The following ARL13B variants were observed in gnomAD, a reference collection of about 807,000 sequenced individuals.
ARL13B encodes ARF like GTPase 13B.
A neutral mutation model predicts 56.1 loss-of-function variants in ARL13B; 36 were observed. The observed-to-expected ratio is 0.64, with a 90% CI of 0.49 to 0.85. The LOEUF (loss-of-function observed/expected upper bound fraction) is 0.85, where lower values mean the gene tolerates loss of function less well. Among genes scored for constraint, ARL13B ranks in the 40% least tolerant of loss-of-function variants. ARL13B has a pLI of 0.00. For synonymous variants in ARL13B, 178 were observed against 171.1 expected (o/e 1.04, Z -0.32); for missense variants, 519 against 507.1 (o/e 1.02, Z -0.23).
chr3:93,981,673 G>C (rs1212629806), intron 1 of ARL13B, among the ~76,000 whole-genome samples: 1 of 151,816 alleles, frequency 6.6e-6, no homozygotes, highest in Non-Finnish European at 1.5e-5. Context: ...TTGGAGCCCT[G>C]GAGTTCGAGA....
At position 93,980,440 on chromosome 3, in the gene ARL13B, C is replaced by A; in HGVS notation, c.17C>A (p.Ala6Asp). ...CGACCCGGGATGTTCAGTCTGATGG[C>A]CAGTTGCTGCGGCTGGTTCAAGCGG... MFSLM[A>D]SCCGWFKRWR... is the part of the protein sequence containing the mutation. Residue 6 changes from alanine (A) to aspartate (D), a missense_variant, in exon 1 of 10, where the codon GCC (alanine) becomes GAC (aspartate). Transcript: ENST00000394222. 1.2e-6 allele frequency: 2 copies of A among 1,612,688 alleles called. No individual in the cohort carries two copies. Among genetic ancestry groups the A allele is most frequent in the Non-Finnish European group, 1.7e-6 (2 of 1,179,984 alleles).
At chr3:94,006,029 G>A (rs577169368) in intron 3 of ARL13B, among the ~76,000 whole-genome samples, 53 of 152,248 alleles carry the variant, frequency 3.5e-4, no homozygotes, top group African/African-American at 1.0e-3. Context: ...AGCCGGGCAC[G>A]GTGGCTCACG....
chr3:94,046,890 A>G (rs1356203622), intron 7 of ARL13B, among the ~76,000 whole-genome samples: 1 of 152,194 alleles, frequency 6.6e-6, no homozygotes, highest in African/African-American at 2.4e-5. Context: ...GCTATGTTAT[A>G]TAACAGAATG....
chr3:93,983,705 C>A (rs536193778), intron 1 of ARL13B, among the ~76,000 whole-genome samples: 1 of 151,736 alleles, frequency 6.6e-6, no homozygotes, highest in Non-Finnish European at 1.5e-5. Flanking sequence ...TTTTTCCTTG[C>A]GCATTTTTGT....
rs1240782439 is a variant in ARL13B at position 94,054,576 on chromosome 3, C to G, written c.*1313C>G. On this transcript the variant is annotated 3_prime_UTR_variant, in exon 10 of 10. Transcript: ENST00000394222. ...CTTTTGGTAACTTGTACTGACACAA[C>G]AGACATGTGCTAGTATCTGATAACA... 2.5e-6 allele frequency: 1 copy of G among 396,446 alleles called. No homozygotes were observed. The highest frequency in any genetic ancestry group is 4.9e-6 in the Non-Finnish European group (1 of 204,478). The allele number at this position is 396,446 out of a possible 1,614,324, so 24.6% of individuals were successfully genotyped here.
In ARL13B at chr3:94,036,489, G is replaced by A. The variant is rs776374313; in HGVS notation, c.487-63G>A. On this transcript the variant is annotated intron_variant, in intron 4 of 9. Coordinates refer to ENST00000394222, the MANE Select transcript of ARL13B (RefSeq NM_001174150.2). ...TGATTTGCCATTAATTATACTTAAT[G>A]GTTTATGAATAGATTTGTGTGGAGA... 4 of 1,526,164 alleles carry A rather than the reference G, an allele frequency of 2.6e-6. No individual in the cohort carries two copies. The East Asian group carries it at 6.8e-5, about 26-fold the overall frequency. The allele number at this position is 1,526,164 out of a possible 1,614,324, so 94.5% of individuals were successfully genotyped here.
At chr3:94,005,658 A>C (rs568087567) in intron 3 of ARL13B, among the ~76,000 whole-genome samples, 1 of 152,248 alleles carries the variant, frequency 6.6e-6, no homozygotes, top group Non-Finnish European at 1.5e-5. Flanking sequence ...AATTATGGAC[A>C]GTGTAATATG....
At chr3:94,013,057 T>C (rs1207219372) in intron 3 of ARL13B, among the ~76,000 whole-genome samples, 1 of 152,168 alleles carries the variant, frequency 6.6e-6, no homozygotes, top group Non-Finnish European at 1.5e-5. Flanking sequence ...CTCACTGCTC[T>C]TTTCTGACTA....
intron 3 of ARL13B, among the ~76,000 whole-genome samples, chr3:94,020,129 T>C (rs550256410): frequency 1.5e-4 from 23 of 152,332 alleles, no homozygotes; most frequent in African/African-American, 5.5e-4. Flanking sequence ...TTATTCATTC[T>C]GGTACCTCAT....
chr3:94,047,138 G>A (rs778264038), intron 7 of ARL13B, among the ~76,000 whole-genome samples: 8 of 152,024 alleles, frequency 5.3e-5, no homozygotes, highest in Non-Finnish European at 7.4e-5. Context: ...CCCTATAATT[G>A]TTGCTTCCTT....
intron 1 of ARL13B, among the ~76,000 whole-genome samples, chr3:93,984,974 C>T (rs145413862): frequency 2.0e-5 from 3 of 152,244 alleles, no homozygotes; most frequent in African/African-American, 7.2e-5. Context: ...TGCCCCACTG[C>T]AGCCTAGCCT....
intron 9 of ARL13B, among the ~76,000 whole-genome samples, chr3:94,051,584 A>C (rs1474503793): frequency 6.6e-6 from 1 of 152,108 alleles, no homozygotes; most frequent in Non-Finnish European, 1.5e-5. Context: ...ATTACAGACC[A>C]TCAGTCTAGG....
intron 2 of ARL13B, among the ~76,000 whole-genome samples, chr3:93,998,265 A>G (rs1196276120): frequency 6.6e-6 from 1 of 152,162 alleles, no homozygotes; most frequent in Admixed American, 6.5e-5. Context: ...GGCACCTTAG[A>G]ATGTGCTAAT....
chr3:94,039,499 CAAAAAAAAA>C (rs11437061), intron 5 of ARL13B, among the ~76,000 whole-genome samples: 1 of 65,286 alleles, frequency 1.5e-5, no homozygotes, highest in African/African-American at 5.0e-5. Context: ...GACTCCGACT[CAAAAAAAAA>C]AAAAAAAAAA....
intron 6 of ARL13B, among the ~76,000 whole-genome samples, chr3:94,042,362 A>G (rs1184762284): frequency 6.6e-6 from 1 of 152,186 alleles, no homozygotes; most frequent in Admixed American, 6.5e-5. Context: ...AATCTAAAAA[A>G]ATTAAAAAAA....
intron 5 of ARL13B, among the ~76,000 whole-genome samples, chr3:94,037,586 C>A (rs2107123698): frequency 6.6e-6 from 1 of 152,186 alleles, no homozygotes; most frequent in African/African-American, 2.4e-5. Flanking sequence ...ATGATTTTGG[C>A]AGCTGTTGAT....
chr3:93,993,420 C>G (rs940012487), intron 1 of ARL13B, among the ~76,000 whole-genome samples: 1 of 152,162 alleles, frequency 6.6e-6, no homozygotes, highest in African/African-American at 2.4e-5. Context: ...AGCCACCACA[C>G]TTGGCCTGTT....
rs748838191 is a variant in ARL13B, at chr3:94,036,567, A to T, written c.502A>T (p.Ile168Phe). 4 of 1,613,886 alleles carry T rather than the reference A, an allele frequency of 2.5e-6. No homozygotes were observed. In the African/African-American group the frequency reaches 5.3e-5, roughly 22 times the overall value. ...TCTGTTTTAGGAACCATGTTCAGCA[A>T]TCTCGGGGTATGGAAAGAAAATTGA... ...CLCQIEPCSA[I>F]SGYGKKIDKS... The change falls in exon 5 of 10, where the codon ATC becomes TTC. Residue 168 changes from isoleucine (I) to phenylalanine (F), a missense_variant. Transcript: ENST00000394222.
chr3:94,055,210 TTA>T lies in ARL13B; in HGVS notation c.*1951_*1952del. ...TTTTAACAATTAAATGCCTATTTTG[TTA>T]TATGTTATACTTTTATTCTTAATTC... On this transcript the variant is annotated 3_prime_UTR_variant, in exon 10 of 10. Transcript: ENST00000394222. The T allele has an allele frequency of 5.1e-6, 2 of 395,884 alleles. No individual in the cohort carries two copies. Among genetic ancestry groups the T allele is most frequent in the Non-Finnish European group, 9.8e-6 (2 of 204,962 alleles). 24.5% of individuals were successfully genotyped at this position (395,884 alleles called of 1,614,324 possible).
Sources: allele counts gnomAD v4.1 joint callset (sites outside exome capture counted in the v4.1 genomes callset), GRCh38; gene constraint gnomAD v4.1.1; transcripts MANE v1.5; gene names NCBI Gene and HGNC (gene_info 2026-07-23, HGNC 2026-07-21).